Variants in ABI3BP observed in about 807,000 individuals in gnomAD.
The protein encoded by ABI3BP is target of Nesh-SH3.
ABI3BP carries 216 observed loss-of-function variants against 268.6 expected under a neutral mutation model. The observed-to-expected ratio is 0.80, with a 90% CI of 0.72 to 0.90. The LOEUF is 0.90. Ranked by LOEUF, ABI3BP falls within the 40% of genes least tolerant of loss-of-function variation. The probability of loss-of-function intolerance (pLI) is 0.00; values close to 1 mark genes in which losing one functional copy is unlikely to be tolerated. For missense variants in ABI3BP, 2,090 were observed against 2,182.4 expected (o/e 0.96, Z 0.84); for synonymous variants, 730 against 730.0 (o/e 1.00, Z 0.00).
At chr3:100,884,679 T>G (rs1268741742) in intron 6 of ABI3BP, among the ~76,000 whole-genome samples, 4 of 152,118 alleles carry the variant, frequency 2.6e-5, no homozygotes, top group Admixed American at 2.6e-4. Context: ...GAGAGCAAAA[T>G]TCCACCCACA....
intron 9 of ABI3BP, among the ~76,000 whole-genome samples, chr3:100,872,871 T>A (rs1401811880): frequency 1.3e-5 from 2 of 152,116 alleles, no homozygotes; most frequent in Non-Finnish European, 2.9e-5. Context: ...AGTAACTAAC[T>A]CTAGGACTAC....
chr3:100,871,868 G>C (rs1046341033), intron 9 of ABI3BP, among the ~76,000 whole-genome samples: 1 of 152,164 alleles, frequency 6.6e-6, no homozygotes, highest in Non-Finnish European at 1.5e-5. Flanking sequence ...ACCAGGTCTT[G>C]CTCTGTTGCC....
In ABI3BP at chr3:100,847,626, G is replaced by A. The variant is rs867352330; in HGVS notation, c.1624C>T (p.Pro542Ser). Residue 542 changes from proline (P) to serine (S), a missense_variant, in exon 19 of 68, where the codon CCT (proline) becomes TCT (serine). By Grantham distance (74) the Pro-to-Ser change is moderately conservative. Transcript: ENST00000471714. ...GTITPKISKS[P>S]EPTWTTPAPG... ...CCCGGTGTTGTCCATGTAGGTTCAGGGCTTTTAGAAATTTTAGGTGTAATT... is the reference window on the plus strand; with the variant it reads ...CCCGGTGTTGTCCATGTAGGTTCAGAGCTTTTAGAAATTTTAGGTGTAATT... 6.2e-7 allele frequency: 1 copy of A among 1,613,564 alleles called. No homozygotes were observed.
chr3:100,855,958 A>C (rs928165490), intron 14 of ABI3BP, among the ~76,000 whole-genome samples: 4 of 152,350 alleles, frequency 2.6e-5, no homozygotes, highest in Admixed American at 2.6e-4. Context: ...TATTCATTAA[A>C]ATGTTCATGA....
intron 24 of ABI3BP, 62 bp downstream of exon 24, chr3:100,839,505 GGA>G: frequency 6.7e-7 from 1 of 1,483,690 alleles, no homozygotes; most frequent in Non-Finnish European, 9.1e-7. Context: ...TGCCTGTAAT[GGA>G]GAGTGGGGAA....
chr3:100,789,329 A>C, intron 56 of ABI3BP, 125 bp downstream of exon 56: 1 of 845,672 alleles, frequency 1.2e-6, no homozygotes, highest in East Asian at 2.7e-5. Context: ...ATCCACACAG[A>C]TCAGAGTCTC....
intron 11 of ABI3BP, chr3:100,864,354 G>T: frequency 2.2e-6 from 1 of 444,942 alleles, no homozygotes. Context: ...AACAAAGCAA[G>T]TTAGATTCTC....
intron 1 of ABI3BP, among the ~76,000 whole-genome samples, chr3:100,958,401 C>T (rs992611063): frequency 1.2e-4 from 18 of 152,218 alleles, no homozygotes; most frequent in East Asian, 9.7e-4. Context: ...CTTAACCAGA[C>T]GGATAAGCAA....
intron 61 of ABI3BP, among the ~76,000 whole-genome samples, chr3:100,773,398 A>C (rs2096608224): frequency 6.6e-6 from 1 of 152,242 alleles, no homozygotes; most frequent in Non-Finnish European, 1.5e-5. Flanking sequence ...AATTAAAACC[A>C]TAATCAGATA....
intron 12 of ABI3BP, 111 bp downstream of exon 12, chr3:100,863,891 C>T: frequency 1.2e-6 from 1 of 803,022 alleles, no homozygotes; most frequent in Non-Finnish European, 2.0e-6. Flanking sequence ...AAGACTGTGT[C>T]ACCTTTAAGG....
At chr3:100,919,117 A>G (rs1401762592) in intron 2 of ABI3BP, among the ~76,000 whole-genome samples, 2 of 152,180 alleles carry the variant, frequency 1.3e-5, no homozygotes, top group African/African-American at 4.8e-5. Flanking sequence ...GCTGGCTTCA[A>G]TGGCTGGTAC....
At chr3:100,765,392 A>G (rs568400146) in intron 63 of ABI3BP, among the ~76,000 whole-genome samples, 49 of 152,322 alleles carry the variant, frequency 3.2e-4, no homozygotes, top group African/African-American at 1.1e-3. Context: ...TGTGCCTGAG[A>G]CTAGTCTGTA....
At chr3:100,794,305 AC>A (rs1252253037) in intron 54 of ABI3BP, among the ~76,000 whole-genome samples, 1 of 151,956 alleles carries the variant, frequency 6.6e-6, no homozygotes, top group Non-Finnish European at 1.5e-5. Flanking sequence ...CCTTGGCCAA[AC>A]TTTTAAACCC....
At chr3:100,883,414 GTTTC>G (rs1259562208) in intron 6 of ABI3BP, among the ~76,000 whole-genome samples, 1 of 152,034 alleles carries the variant, frequency 6.6e-6, no homozygotes, top group African/African-American at 2.4e-5. Context: ...ACAGGTCAAT[GTTTC>G]TTTAGTGTAT....
At chr3:100,974,552 T>C (rs2085178146) in intron 1 of ABI3BP, among the ~76,000 whole-genome samples, 1 of 152,022 alleles carries the variant, frequency 6.6e-6, no homozygotes, top group Admixed American at 6.6e-5. Flanking sequence ...GGCAAAACTA[T>C]AGGGAGAGAA....
At chr3:100,925,415 A>ATATT (rs1205823795) in intron 2 of ABI3BP, among the ~76,000 whole-genome samples, 1 of 84,314 alleles carries the variant, frequency 1.2e-5, no homozygotes, top group Non-Finnish European at 2.3e-5. Flanking sequence ...AAATATTTAT[A>ATATT]TATTTATTTA....
chr3:100,816,718 A>G lies in ABI3BP; in HGVS notation c.3199T>C (p.Ser1067Pro). Residue 1067 changes from serine (S) to proline (P), a missense_variant, in exon 43 of 68, where the codon TCA becomes CCA. Transcript: ENST00000471714. ...TTGTTCTGAGGTACTTCAGGACTTG[A>G]TGTAGTTTTGGGTCTGGGACGGGGA... is the stretch of plus-strand genomic sequence containing the variant. The part of the protein sequence containing the change: ...RRPRPRPKTT[S>P]SPEVPQNKSV... 1 of 1,535,728 alleles carries G rather than the reference A, an allele frequency of 6.5e-7. No homozygotes were observed. The highest frequency in any genetic ancestry group is 8.7e-7 in the Non-Finnish European group (1 of 1,146,680).
chr3:100,758,308 A>G (rs1457289057), intron 63 of ABI3BP, among the ~76,000 whole-genome samples: 3 of 152,248 alleles, frequency 2.0e-5, no homozygotes, highest in Non-Finnish European at 4.4e-5. Flanking sequence ...TATTCGTTAT[A>G]GTAATTATAA....
chr3:100,904,727 G>C (rs2052404331), intron 2 of ABI3BP, among the ~76,000 whole-genome samples: 1 of 152,158 alleles, frequency 6.6e-6, no homozygotes. Context: ...TCTCACACCA[G>C]TTACAATGGC....
Sources: gnomAD v4.1 joint callset for allele counts (sites outside exome capture counted in the v4.1 genomes callset) on GRCh38, gnomAD v4.1.1 for gene constraint, MANE v1.5 for transcripts, NCBI Gene and HGNC (gene_info 2026-07-23, HGNC 2026-07-21) for gene names.